AGBL4: variants seen among roughly 807,000 people sequenced by gnomAD.
AGBL4 encodes AGBL carboxypeptidase 4.
A neutral mutation model predicts 66.4 loss-of-function variants in AGBL4; 58 were observed. The ratio of observed to expected loss-of-function variants is 0.87; its 90% CI spans 0.71 to 1.09. The LOEUF (loss-of-function observed/expected upper bound fraction) is 1.09. Among genes scored for constraint, AGBL4 ranks in the 50% least tolerant of loss-of-function variants. The probability of loss-of-function intolerance (pLI) is 0.00; values close to 1 mark genes in which losing one functional copy is unlikely to be tolerated. For synonymous variants in AGBL4, 234 were observed against 222.9 expected (o/e 1.05, Z -0.44); for missense variants, 579 against 631.0 (o/e 0.92, Z 0.88).
At chr1:49,266,643 T>C (rs1304744438) in intron 3 of AGBL4, among the ~76,000 whole-genome samples, 1 of 149,304 alleles carries the variant, frequency 6.7e-6, no homozygotes, top group Non-Finnish European at 1.5e-5. Context: ...GAAGGTAGAG[T>C]CTGTAGCCAG....
intron 4 of AGBL4, among the ~76,000 whole-genome samples, chr1:49,158,297 A>C (rs1336347788): frequency 2.0e-5 from 3 of 152,202 alleles, no homozygotes; most frequent in African/African-American, 7.2e-5. Flanking sequence ...AAACACCAAA[A>C]GCAATGGCAA....
intron 6 of AGBL4, among the ~76,000 whole-genome samples, chr1:48,725,938 C>T (rs2148539792): frequency 6.6e-6 from 1 of 152,308 alleles, no homozygotes; most frequent in East Asian, 1.9e-4. Flanking sequence ...TAATAACGAA[C>T]ATCTGCAAGG....
intron 5 of AGBL4, among the ~76,000 whole-genome samples, chr1:48,962,340 CT>C (rs1364573900): frequency 1.3e-5 from 2 of 152,178 alleles, no homozygotes; most frequent in African/African-American, 2.4e-5. Context: ...GAAATGCTTT[CT>C]AGTAATAATC....
At chr1:49,476,895 G>A (rs535456891) in intron 3 of AGBL4, among the ~76,000 whole-genome samples, 28 of 152,064 alleles carry the variant, frequency 1.8e-4, no homozygotes, top group Non-Finnish European at 3.4e-4. Context: ...AGAGCCCTTG[G>A]GCCTGAAGAT....
At chr1:49,660,178 A>T (rs112152271) in intron 3 of AGBL4, among the ~76,000 whole-genome samples, 5,110 of 152,150 alleles carry the variant, frequency 0.034, 118 homozygotes, top group Non-Finnish European at 0.05. Flanking sequence ...ACTACAAAGT[A>T]GGAGAAAATT....
chr1:48,912,218 T>C (rs968313253), intron 5 of AGBL4, among the ~76,000 whole-genome samples: 10 of 148,236 alleles, frequency 6.7e-5, no homozygotes, highest in African/African-American at 2.6e-4. Context: ...TACCCTTAGA[T>C]TTATCCTGTA....
rs575814467 is a variant in AGBL4 at position 48,593,550 on chromosome 1, G to A, written c.952-2565C>T. Among the ~76,000 whole-genome samples the A allele has an allele frequency of 4.6e-5, 7 of 152,056 alleles. No individual in the cohort carries two copies. The South Asian group carries it at 6.2e-4, about 14-fold the overall frequency. On this transcript the variant is annotated intron_variant, in intron 9 of 13. Transcript: ENST00000371839. ...GCAGATCACGAAGTCAGGAGTTCGA[G>A]ACCATCCTGGCCAACACAGTGAAAC...
intron 5 of AGBL4, among the ~76,000 whole-genome samples, chr1:49,041,646 T>C (rs1043323447): frequency 2.0e-5 from 3 of 152,054 alleles, no homozygotes; most frequent in Non-Finnish European, 4.4e-5. Flanking sequence ...ACCCCCAAAC[T>C]GGGACAGTTC....
intron 9 of AGBL4, among the ~76,000 whole-genome samples, chr1:48,607,998 G>GGCAGAACAGGACTTATTCC (rs1645178141): frequency 6.6e-6 from 1 of 152,168 alleles, no homozygotes; most frequent in Non-Finnish European, 1.5e-5. Flanking sequence ...GCTTCTAAGT[G>GGCAGAACAGGACTTATTCC]GCAGAACAGG....
At chr1:48,716,912 C>A (rs532642575) in intron 6 of AGBL4, among the ~76,000 whole-genome samples, 15 of 152,306 alleles carry the variant, frequency 9.8e-5, no homozygotes, top group African/African-American at 3.4e-4. Flanking sequence ...AGAAGGGGCA[C>A]AGAAGTGCGT....
chr1:48,709,582 G>A (rs1477815553), intron 6 of AGBL4, among the ~76,000 whole-genome samples: 2 of 51,296 alleles, frequency 3.9e-5, no homozygotes, highest in Non-Finnish European at 1.0e-4. Flanking sequence ...CTATTTGCCA[G>A]GCATTATTAT....
intron 2 of AGBL4, among the ~76,000 whole-genome samples, chr1:49,827,919 T>C (rs561685954): frequency 6.6e-6 from 1 of 152,222 alleles, no homozygotes; most frequent in Non-Finnish European, 1.5e-5. Flanking sequence ...AATGAAACTG[T>C]ATTCCATCAT....
intron 2 of AGBL4, among the ~76,000 whole-genome samples, chr1:49,715,500 C>T (rs1648044926): frequency 2.6e-5 from 4 of 152,092 alleles, no homozygotes. Flanking sequence ...ATTGCTGGGT[C>T]AAATGGTATT....
At chr1:49,797,737 G>A (rs1644764582) in intron 2 of AGBL4, among the ~76,000 whole-genome samples, 1 of 151,946 alleles carries the variant, frequency 6.6e-6, no homozygotes, top group South Asian at 2.1e-4. Context: ...GAGTCACTGC[G>A]CAGCACAGCC....
intron 1 of AGBL4, among the ~76,000 whole-genome samples, chr1:49,937,804 C>A (rs1654252451): frequency 6.6e-6 from 1 of 151,996 alleles, no homozygotes; most frequent in South Asian, 2.1e-4. Context: ...AGAACAAAGA[C>A]ACAACATACC....
At chr1:49,125,044 A>C (rs1645737741) in intron 4 of AGBL4, among the ~76,000 whole-genome samples, 1 of 152,180 alleles carries the variant, frequency 6.6e-6, no homozygotes, top group African/African-American at 2.4e-5. Flanking sequence ...GAAACATTTC[A>C]CCAAGTGAAT....
chr1:49,127,239 G>A (rs929150694), intron 4 of AGBL4, among the ~76,000 whole-genome samples: 10 of 152,144 alleles, frequency 6.6e-5, no homozygotes, highest in African/African-American at 2.4e-4. Context: ...AGCATAGCTT[G>A]ATGGTGGTTT....
chr1:48,780,800 T>C (rs369032034), intron 6 of AGBL4, among the ~76,000 whole-genome samples: 3 of 152,268 alleles, frequency 2.0e-5, no homozygotes, highest in African/African-American at 7.2e-5. Context: ...AACACTTAAA[T>C]GTAAGACCTA....
At chr1:49,806,573 T>C (rs1472309591) in intron 2 of AGBL4, among the ~76,000 whole-genome samples, 2 of 152,210 alleles carry the variant, frequency 1.3e-5, no homozygotes, top group Non-Finnish European at 2.9e-5. Context: ...CTCCAAATTG[T>C]AACAAATGAG....
Sources: gnomAD v4.1 joint callset for allele counts (sites outside exome capture counted in the v4.1 genomes callset) on GRCh38, gnomAD v4.1.1 for gene constraint, MANE v1.5 for transcripts, NCBI Gene and HGNC (gene_info 2026-07-23, HGNC 2026-07-21) for gene names.